Variants in ZNF446 observed in about 807,000 individuals in gnomAD.
The protein encoded by ZNF446 is zinc finger protein 446.
A neutral mutation model predicts 34.0 loss-of-function variants in ZNF446; 42 were observed. The ratio of observed to expected loss-of-function variants is 1.23; its 90% confidence interval spans 0.96 to 1.60. ZNF446 has a LOEUF of 1.60. Among genes scored for constraint, ZNF446 ranks in the 40% most tolerant of loss-of-function variants. The pLI, the probability that ZNF446 is intolerant of heterozygous loss-of-function variation, is 0.00. For synonymous variants in ZNF446, 315 were observed against 251.0 expected (o/e 1.25, Z -2.41); for missense variants, 650 against 600.2 (o/e 1.08, Z -0.87).
chr19:58,478,090 C>G lies in ZNF446; in HGVS notation c.536C>G (p.Pro179Arg), dbSNP rs938373587. 5.0e-6 allele frequency: 8 copies of G among 1,612,020 alleles called. No individual in the cohort carries two copies. The highest frequency in any genetic ancestry group is 1.7e-5 in the Admixed American group (1 of 59,588). ...EPNVDGQEVA[P>R]SSPPLAAQSP... Reference sequence around the variant, plus strand: ...TTCCATCTGCCCCACTTTTCAGCACCCTCCAGCCCTCCACTTGCAGCACAG... The same window carrying G: ...TTCCATCTGCCCCACTTTTCAGCACGCTCCAGCCCTCCACTTGCAGCACAG... The change falls in exon 4 of 7, where the codon CCC becomes CGC. Residue 179 changes from proline (P) to arginine (R), a missense_variant. Transcript: ENST00000594369.
At chr19:58,481,761 A>C (rs1477898172), downstream of ZNF446, among the ~76,000 whole-genome samples, 1 of 151,862 alleles carries the variant, frequency 6.6e-6, no homozygotes, top group South Asian at 2.1e-4. Context: ...CATGGGTCCC[A>C]CTGGGCTAAA....
chr19:58,480,845 C>A lies in ZNF446; in HGVS notation c.*119C>A. 2 of 1,231,646 alleles carry A rather than the reference C, an allele frequency of 1.6e-6. No individual in the cohort carries two copies. Among genetic ancestry groups the A allele is most frequent in the East Asian group, 2.4e-5 (1 of 41,074 alleles). The allele number at this position is 1,231,646 out of a possible 1,614,324, so 76.3% of individuals were successfully genotyped here. On this transcript the variant is annotated 3_prime_UTR_variant, in exon 7 of 7. Coordinates refer to ENST00000594369, the MANE Select transcript of ZNF446 (RefSeq NM_017908.4). This position sits in a 1 kb window ranked among gnomAD's most constrained non-coding sequence, Gnocchi z 7.2. The stretch of plus-strand genomic sequence containing the variant: ...GGATGCCAGAGTGAACAAGGGGTCC[C>A]AAGCCAGTTCCCTGCCCCTGGTCTG...
rs745917976 is a variant in ZNF446, at chr19:58,477,397, A to T, written c.179A>T (p.His60Leu). Reference protein sequence around the residue: ...LCCQWLQPEAHSKEQMLEMLV... With the variant: ...LCCQWLQPEALSKEQMLEMLV... ...TGCCAGTGGCTGCAGCCTGAGGCACACTCCAAGGAGCAGATGCTGGAGATG... is the reference window on the plus strand; with the variant it reads ...TGCCAGTGGCTGCAGCCTGAGGCACTCTCCAAGGAGCAGATGCTGGAGATG... The change falls in exon 2 of 7, where the codon CAC becomes CTC. Residue 60 changes from histidine (H) to leucine (L), a missense_variant. By Grantham distance (99) the His-to-Leu change is moderately conservative. Transcript: ENST00000594369. The T allele has an allele frequency of 3.8e-5, 62 of 1,613,096 alleles. No homozygotes were observed. In the Middle Eastern group the frequency reaches 6.6e-4, roughly 17 times the overall value.
chr19:58,489,216 C>T, the ZNF446 span, among the ~76,000 whole-genome samples: 1 of 152,200 alleles, frequency 6.6e-6, no homozygotes, highest in African/African-American at 2.4e-5. Context: ...GTTTAGGAGT[C>T]ACGCAGCTGG....
Position 58,480,535 on chromosome 19 carries a change from T to A in ZNF446, c.1162T>A (p.Ser388Thr), listed in dbSNP as rs2053130614. ...GGCCTTTCCGCACCACCCCCGACGC[T>A]CACTCACAGGCCCCCGGAGTTACCC... ...EVAFPHHPRR[S>T]LTGPRSYPCE... The change falls in exon 7 of 7, where the codon TCA becomes ACA. Residue 388 changes from serine to threonine, a missense_variant. Transcript: ENST00000594369. This position sits in a 1 kb window ranked among gnomAD's most constrained non-coding sequence, Gnocchi z 7.2. The A allele has an allele frequency of 9.3e-6, 15 of 1,612,408 alleles. No individual in the cohort carries two copies. In the East Asian group the frequency reaches 2.9e-4, roughly 31 times the overall value.
At chr19:58,484,365 C>T (rs1456339202), downstream of ZNF446, among the ~76,000 whole-genome samples, 2 of 149,454 alleles carry the variant, frequency 1.3e-5, no homozygotes, top group African/African-American at 5.0e-5. Flanking sequence ...ACTTGGAAGG[C>T]TGAGGCAGGA....
At chr19:58,484,795 C>T (rs551198453), downstream of ZNF446, among the ~76,000 whole-genome samples, 201 of 152,294 alleles carry the variant, frequency 1.3e-3, 2 homozygotes, top group African/African-American at 4.7e-3. Context: ...CAGTGGTTCA[C>T]TCCTGTAATT....
the ZNF446 span, among the ~76,000 whole-genome samples, chr19:58,488,723 C>T: frequency 1.3e-5 from 2 of 151,676 alleles, no homozygotes; most frequent in Non-Finnish European, 2.9e-5. Context: ...TGGTAGCAGG[C>T]ACCTGTAGTC....
At chr19:58,482,188 G>T (rs552199622), downstream of ZNF446, among the ~76,000 whole-genome samples, 1 of 151,876 alleles carries the variant, frequency 6.6e-6, no homozygotes, top group Non-Finnish European at 1.5e-5. Flanking sequence ...GTCAGCCCAC[G>T]TTCCCCCTTT....
At position 58,480,429 on chromosome 19, in the gene ZNF446, G is replaced by A; in HGVS notation, c.1056G>A (p.Arg352=). ...DWKSVFVIHH[R]THTSGPGVQS... ...AGTCAGTGTTCGTCATCCACCACCG[G>A]ACACACACGAGTGGGCCAGGTGTGC... The change falls in exon 7 of 7, where the codon CGG becomes CGA. Residue 352 remains arginine (R), a synonymous_variant. Transcript: ENST00000594369. The surrounding 1 kb of genome is among the most constrained non-coding windows in gnomAD (Gnocchi z 7.2). The A allele has an allele frequency of 1.2e-6, 2 of 1,613,102 alleles. No individual in the cohort carries two copies. The highest frequency in any genetic ancestry group is 1.7e-6 in the Non-Finnish European group (2 of 1,179,982).
chr19:58,479,679 C>A lies in ZNF446; in HGVS notation c.664C>A (p.Leu222Met), dbSNP rs749177802. The change falls in exon 5 of 7, where the codon CTG becomes ATG. Residue 222 changes from leucine to methionine, a missense_variant. Transcript: ENST00000594369. ...GCTGCTGGACCGGTCACAGAAGGAA[C>A]TGTACTGGGATGCGATGCTGGAGAA... Reference protein sequence around the residue: ...WGLLDRSQKELYWDAMLEKYG... With the variant: ...WGLLDRSQKEMYWDAMLEKYG... 1 of 1,613,894 alleles carries A rather than the reference C, an allele frequency of 6.2e-7. No homozygotes were observed. The highest frequency in any genetic ancestry group is 8.5e-7 in the Non-Finnish European group (1 of 1,179,960).
downstream of ZNF446, among the ~76,000 whole-genome samples, chr19:58,486,174 A>G (rs1436342486): frequency 6.9e-6 from 1 of 144,016 alleles, no homozygotes; most frequent in Non-Finnish European, 1.5e-5. Flanking sequence ...GCTCACTGCA[A>G]CCTCCGACTC....
chr19:58,480,319 A>C lies in ZNF446; in HGVS notation c.946A>C (p.Thr316Pro). Residue 316 changes from threonine to proline, a missense_variant, in exon 7 of 7, where the codon ACA (threonine) becomes CCA (proline). Transcript: ENST00000594369. The surrounding 1 kb of genome is among the most constrained non-coding windows in gnomAD (Gnocchi z 7.2). ...PGTPPVPTQP[T>P]PAETRLEPAA... Reference sequence around the variant, plus strand: ...GACACCGCCAGTGCCCACTCAGCCCACACCTGCAGAGACGAGACTGGAGCC... The same window carrying C: ...GACACCGCCAGTGCCCACTCAGCCCCCACCTGCAGAGACGAGACTGGAGCC... The C allele has an allele frequency of 6.3e-7, 1 of 1,585,648 alleles. No homozygotes were observed. Among genetic ancestry groups the C allele is most frequent in the Non-Finnish European group, 8.6e-7 (1 of 1,166,860 alleles).
At chr19:58,485,884 T>C (rs138542023), downstream of ZNF446, among the ~76,000 whole-genome samples, 18 of 152,104 alleles carry the variant, frequency 1.2e-4, no homozygotes, top group East Asian at 3.5e-3. Flanking sequence ...CAGCCTGATA[T>C]TTATTTTTAA....
chr19:58,479,203 A>G (rs778263879), intron 4 of ZNF446, among the ~76,000 whole-genome samples: 1 of 152,170 alleles, frequency 6.6e-6, no homozygotes, highest in Non-Finnish European at 1.5e-5. Context: ...CCTCACCTCC[A>G]GCCAGCACCA....
In ZNF446 at chr19:58,478,090, C is replaced by T. The variant is rs938373587; in HGVS notation, c.536C>T (p.Pro179Leu). The T allele has an allele frequency of 1.9e-6, 3 of 1,612,138 alleles. No homozygotes were observed. The highest frequency in any genetic ancestry group is 1.7e-5 in the Admixed American group (1 of 59,608). Residue 179 changes from proline (P) to leucine (L), a missense_variant, in exon 4 of 7, where the codon CCC (proline) becomes CTC (leucine). By Grantham distance (98) the Pro-to-Leu change is moderately conservative (BLOSUM62 -3). Transcript: ENST00000594369. ...TTCCATCTGCCCCACTTTTCAGCACCCTCCAGCCCTCCACTTGCAGCACAG... is the reference window on the plus strand; with the variant it reads ...TTCCATCTGCCCCACTTTTCAGCACTCTCCAGCCCTCCACTTGCAGCACAG... ...EPNVDGQEVA[P>L]SSPPLAAQSP...
At chr19:58,483,071 A>C (rs1216728925), downstream of ZNF446, among the ~76,000 whole-genome samples, 1 of 152,218 alleles carries the variant, frequency 6.6e-6, no homozygotes, top group Non-Finnish European at 1.5e-5. Flanking sequence ...AGAAGTTTAC[A>C]TATAGAAGTG....
downstream of ZNF446, among the ~76,000 whole-genome samples, chr19:58,485,095 C>G (rs1600016511): frequency 1.3e-5 from 2 of 151,892 alleles, 1 homozygote; most frequent in Admixed American, 1.3e-4. Context: ...CAAAAAGATT[C>G]TAAAATGCAT....
At chr19:58,488,450 A>T in the ZNF446 span, among the ~76,000 whole-genome samples, 3 of 152,202 alleles carry the variant, frequency 2.0e-5, no homozygotes, top group Non-Finnish European at 4.4e-5. Context: ...CATTGTCAAC[A>T]AACCAGATAC....
Sources: allele counts gnomAD v4.1 joint callset (sites outside exome capture counted in the v4.1 genomes callset), GRCh38; gene constraint gnomAD v4.1.1; non-coding constraint Gnocchi (gnomAD v3.1); transcripts MANE v1.5; gene names NCBI Gene and HGNC (gene_info 2026-07-23, HGNC 2026-07-21).